CBARP: variants seen among roughly 807,000 people sequenced by gnomAD.
CBARP encodes CACN subunit beta associated regulatory protein, also known as voltage-dependent calcium channel beta subunit-associated regulatory protein.
CBARP carries 24 observed loss-of-function variants against 36.3 expected under a neutral mutation model. The ratio of observed to expected loss-of-function variants is 0.66; its 90% CI spans 0.48 to 0.93. CBARP has a LOEUF of 0.93. Among genes scored for constraint, CBARP ranks in the 40% least tolerant of loss-of-function variants. The pLI is 0.00. For synonymous variants in CBARP, 586 were observed against 453.2 expected, an observed-to-expected ratio of 1.29 and a Z score of -3.72; for missense variants, 1,146 against 980.4, an observed-to-expected ratio of 1.17 and a Z score of -2.26.
At position 1,230,081 on chromosome 19, in the gene CBARP, C is replaced by A; in HGVS notation, c.1216G>T (p.Gly406Cys). The A allele has an allele frequency of 2.7e-6, 3 of 1,105,826 alleles. No homozygotes were observed. The highest frequency in any genetic ancestry group is 3.3e-6 in the Non-Finnish European group (3 of 899,206). The allele number at this position is 1,105,826 out of a possible 1,614,324, so 68.5% of individuals were successfully genotyped here. A position where few individuals can be genotyped will look rare whatever the true frequency, so the allele number is the denominator to read the frequency against. ...TGCTGCTGCTCAGGCCCCGCGCTGCCCGCGCCGCGCTCCGGGGGGGAATCG... is the reference window on the plus strand; with the variant it reads ...TGCTGCTGCTCAGGCCCCGCGCTGCACGCGCCGCGCTCCGGGGGGGAATCG... ...SPDSPPERGA[G>C]SAGPEQQQPP... The change falls in exon 10 of 10, where the codon GGC becomes TGC. Residue 406 changes from glycine to cysteine, a missense_variant. By Grantham distance (159) the Gly-to-Cys change is radical. Coordinates refer to ENST00000650044, the MANE Select transcript of CBARP (RefSeq NM_001393918.1).
chr19:1,234,311 G>A lies in CBARP; in HGVS notation c.648C>T (p.Thr216=), dbSNP rs540573275. The change falls in exon 7 of 10, where the codon ACC becomes ACT. Residue 216 remains threonine, a synonymous_variant. Coordinates refer to ENST00000650044, the MANE Select transcript of CBARP (RefSeq NM_001393918.1). ...CGGAGCTGGGGCCCACAGAGCGGCC[G>A]GTGAGGGCCTTCCCCGGGGGCTGTG... ...AIFQPPGKAL[T]GRSVGPSSAL... 6.2e-6 allele frequency: 9 copies of A among 1,445,728 alleles called. No homozygotes were observed. The East Asian group carries it at 1.3e-4, about 20-fold the overall frequency. 89.6% of individuals were successfully genotyped at this position (1,445,728 alleles called of 1,614,324 possible). A position where few individuals can be genotyped will look rare whatever the true frequency, so the allele number is the denominator to read the frequency against.
intron 4 of CBARP, 86 bp downstream of exon 4, chr19:1,235,415 A>T (rs1440127282): frequency 2.2e-6 from 3 of 1,374,394 alleles, no homozygotes; most frequent in African/African-American, 1.5e-5. Context: ...AGACAGACAC[A>T]GACGGTCAGG....
intron 5 of CBARP, 119 bp downstream of exon 5, chr19:1,234,882 G>T: frequency 6.7e-7 from 1 of 1,500,712 alleles, no homozygotes; most frequent in Admixed American, 2.0e-5. Flanking sequence ...CCACCCCACG[G>T]TCCCAGTCCA....
chr19:1,230,277 T>C, intron 9 of CBARP, 135 bp from the exon 10 acceptor site: 2 of 991,550 alleles, frequency 2.0e-6, no homozygotes, highest in Non-Finnish European at 2.4e-6. Flanking sequence ...AGGTGAGAGC[T>C]TTAAAATGAG....
chr19:1,229,186 G>A lies in CBARP; in HGVS notation c.2111C>T (p.Pro704Leu), dbSNP rs1392545916. 3 of 1,168,416 alleles carry A rather than the reference G, an allele frequency of 2.6e-6. No homozygotes were observed. Among genetic ancestry groups the A allele is most frequent in the Non-Finnish European group, 3.2e-6 (3 of 925,706 alleles). The allele number at this position is 1,168,416 out of a possible 1,614,324, so 72.4% of individuals were successfully genotyped here. A position where few individuals can be genotyped will look rare whatever the true frequency, so the allele number is the denominator to read the frequency against. The change falls in exon 10 of 10, where the codon CCG becomes CTG. Residue 704 changes from proline (P) to leucine (L), a missense_variant. Coordinates refer to ENST00000650044, the MANE Select transcript of CBARP (RefSeq NM_001393918.1). This position sits in a 1 kb window ranked among gnomAD's most constrained non-coding sequence, Gnocchi z 5.1. ...GGGCCCAGGACGCGGGACTTAGGCC[G>A]GGCTGTGGTCGGGGGACGTGGGGGC... ...AAAPTSPDHS[P>L]A is the part of the protein sequence containing the mutation.
At chr19:1,234,488 G>A in intron 6 of CBARP, 83 bp downstream of exon 6, 1 of 1,455,370 alleles carries the variant, frequency 6.9e-7, no homozygotes, top group East Asian at 2.5e-5. Flanking sequence ...CAGAAAAAGA[G>A]TGGGTGAGGG....
intron 6 of CBARP, 80 bp downstream of exon 6, chr19:1,234,491 G>A (rs1463506612): frequency 3.4e-6 from 5 of 1,466,818 alleles, no homozygotes; most frequent in African/African-American, 1.4e-5. Flanking sequence ...AAAAAGAGTG[G>A]GTGAGGGCGT....
In CBARP at chr19:1,234,914, G is replaced by A. The variant is rs1170498618; in HGVS notation, c.455+87C>T. ...TCCAGGAGCCTCTGCCTTGGTCCCT[G>A]CAGCCTCCGCACCCAGCTCCTCCCC... is the stretch of plus-strand genomic sequence containing the variant. On this transcript the variant is annotated intron_variant, in intron 5 of 9. Transcript: ENST00000650044. 90 of 1,519,706 alleles carry A rather than the reference G, an allele frequency of 5.9e-5. No homozygotes were observed. The Admixed American group carries it at 1.7e-3, about 28-fold the overall frequency. 94.1% of individuals were successfully genotyped at this position (1,519,706 alleles called of 1,614,324 possible).
At position 1,231,196 on chromosome 19, in the gene CBARP, C is replaced by A; in HGVS notation, c.1059G>T (p.Gln353His). The A allele has an allele frequency of 6.2e-7, 1 of 1,604,030 alleles. No individual in the cohort carries two copies. The highest frequency in any genetic ancestry group is 8.5e-7 in the Non-Finnish European group (1 of 1,179,232). Residue 353 changes from glutamine to histidine, a missense_variant, in exon 9 of 10, where the codon CAG becomes CAT. Gln to His is a conservative substitution (Grantham distance 24). Coordinates refer to ENST00000650044, the MANE Select transcript of CBARP (RefSeq NM_001393918.1). The part of the protein sequence containing the change: ...STEQEEGDAP[Q>H]EDFIQYIARA... ...GGGCAATGTACTGGATGAAGTCCTC[C>A]TGGGGGGCATCCCCCTCCTCCTGCT...
At position 1,233,458 on chromosome 19, in the gene CBARP, G is replaced by A. The variant is rs745386108; in HGVS notation, c.947C>T (p.Pro316Leu). Residue 316 changes from proline to leucine, a missense_variant, in exon 8 of 10, where the codon CCC becomes CTC. Transcript: ENST00000650044. Reference sequence around the variant, plus strand: ...GTCCAGACTGGCTGCCCGCTGGCTGGGCTCCAGCTTCCACTTCTTGACCTT... The same window carrying A: ...GTCCAGACTGGCTGCCCGCTGGCTGAGCTCCAGCTTCCACTTCTTGACCTT... ...YFKVKKWKLE[P>L]SQRAASLDTR... 5.4e-5 allele frequency: 86 copies of A among 1,599,664 alleles called. No individual in the cohort carries two copies. The highest frequency in any genetic ancestry group is 1.1e-5 in the Non-Finnish European group (13 of 1,173,772).
In CBARP at chr19:1,234,206, A is replaced by G. The variant is rs753541878; in HGVS notation, c.753T>C (p.Ser251=). 7.2e-6 allele frequency: 11 copies of G among 1,522,912 alleles called. No homozygotes were observed. Among genetic ancestry groups the G allele is most frequent in the South Asian group, 1.3e-5 (1 of 77,010 alleles). 94.3% of individuals were successfully genotyped at this position (1,522,912 alleles called of 1,614,324 possible). A position where few individuals can be genotyped will look rare whatever the true frequency, so the allele number is the denominator to read the frequency against. The stretch of plus-strand genomic sequence containing the variant: ...GGGCCCTCACCGAGGTGCCTTCCCC[A>G]GAGTCGCTAGATGCCGAGGGGCTGA... ...AEISPSASSD[S]GEGTSLDAGT... Residue 251 remains serine (S), a synonymous_variant, in exon 7 of 10, where the codon TCT becomes TCC. Coordinates refer to ENST00000650044, the MANE Select transcript of CBARP (RefSeq NM_001393918.1).
intron 1 of CBARP, among the ~76,000 whole-genome samples, chr19:1,237,546 C>G (rs1337013161): frequency 6.6e-6 from 1 of 151,938 alleles, no homozygotes; most frequent in Non-Finnish European, 1.5e-5. Flanking sequence ...CGTCCTCGCC[C>G]GACCTCACAG....
chr19:1,230,774 C>T (rs1238031061), intron 9 of CBARP: 101 of 1,334,868 alleles, frequency 7.6e-5, no homozygotes, highest in East Asian at 1.2e-4. Context: ...ATGGGCGGGG[C>T]GGGGGTGGGA....
Position 1,234,714 on chromosome 19 carries a change from G to A in CBARP, c.484C>T (p.His162Tyr), listed in dbSNP as rs1025067343. ...TGCGTGAGCCGGGCATTCTTCAGGT[G>A]GTGGAAGTCCCCCTCCGTCAGTGTG... ...RYTLTEGDFH[H>Y]LKNARLTHLH... The change falls in exon 6 of 10, where the codon CAC becomes TAC. Residue 162 changes from histidine (H) to tyrosine (Y), a missense_variant. Coordinates refer to ENST00000650044, the MANE Select transcript of CBARP (RefSeq NM_001393918.1). The A allele has an allele frequency of 3.1e-6, 5 of 1,613,044 alleles. No individual in the cohort carries two copies. The African/African-American group carries it at 5.3e-5, about 17-fold the overall frequency.
chr19:1,231,357 C>G (rs937585240), intron 8 of CBARP, 82 bp from the exon 9 acceptor site: 11 of 1,337,852 alleles, frequency 8.2e-6, no homozygotes, highest in South Asian at 1.3e-5. Context: ...TATGCCCCCC[C>G]GCCACACACA....
Position 1,235,128 on chromosome 19 carries a change from C to T in CBARP, c.328G>A (p.Glu110Lys). The T allele has an allele frequency of 6.3e-7, 1 of 1,593,980 alleles. No individual in the cohort carries two copies. The highest frequency in any genetic ancestry group is 1.3e-5 in the African/African-American group (1 of 74,564). Residue 110 changes from glutamate to lysine, a missense_variant, in exon 5 of 10, where the codon GAG becomes AAG. By Grantham distance (56) the Glu-to-Lys change is moderately conservative. Coordinates refer to ENST00000650044, the MANE Select transcript of CBARP (RefSeq NM_001393918.1). ...HPAQDPDFRG[E>K]DPECQDAETE... Reference sequence around the variant, plus strand: ...TCCGCATCCTGGCACTCGGGGTCCTCTCCCCGGAAGTCGGGGTCTGCGTGG... The same window carrying T: ...TCCGCATCCTGGCACTCGGGGTCCTTTCCCCGGAAGTCGGGGTCTGCGTGG...
Position 1,233,733 on chromosome 19 carries a change from C to A in CBARP, c.769-97G>T. On this transcript the variant is annotated intron_variant, in intron 7 of 9. Coordinates refer to ENST00000650044, the MANE Select transcript of CBARP (RefSeq NM_001393918.1). ...TAGGTCTGAGAGACAGTCCCAAGGG[C>A]CCCCCATCACTGGGACAGAGAGGGG... 4.2e-6 allele frequency: 5 copies of A among 1,178,058 alleles called. No homozygotes were observed. In the South Asian group the frequency reaches 4.7e-5, roughly 11 times the overall value. The allele number at this position is 1,178,058 out of a possible 1,614,324, so 73.0% of individuals were successfully genotyped here.
intron 4 of CBARP, 36 bp downstream of exon 4, chr19:1,235,465 C>T: frequency 6.5e-7 from 1 of 1,538,748 alleles, no homozygotes; most frequent in South Asian, 1.2e-5. Flanking sequence ...GGCGGATGGA[C>T]AGGCGAGCGC....
In CBARP at chr19:1,229,237, A is replaced by C. The variant is rs2145442509; in HGVS notation, c.2060T>G (p.Val687Gly). Residue 687 changes from valine to glycine, a missense_variant, in exon 10 of 10, where the codon GTG (valine) becomes GGG (glycine). By Grantham distance (109) the Val-to-Gly change is moderately radical. Coordinates refer to ENST00000650044, the MANE Select transcript of CBARP (RefSeq NM_001393918.1). This position sits in a 1 kb window ranked among gnomAD's most constrained non-coding sequence, Gnocchi z 5.1. ...GGCGGCGACCAACGCGGGAGTCGCC[A>C]CGACGGGCTCGGCGAGGCGCGGCGG... ...LFPPRLAEPV[V>G]ATPALVAAAP... The C allele has an allele frequency of 8.1e-7, 1 of 1,237,258 alleles. No homozygotes were observed. The highest frequency in any genetic ancestry group is 8.3e-5 in the East Asian group (1 of 12,030). 76.6% of individuals were successfully genotyped at this position (1,237,258 alleles called of 1,614,324 possible).
Sources: allele counts gnomAD v4.1 joint callset (sites outside exome capture counted in the v4.1 genomes callset), GRCh38; gene constraint gnomAD v4.1.1; non-coding constraint Gnocchi (gnomAD v3.1); transcripts MANE v1.5; gene names NCBI Gene and HGNC (gene_info 2026-07-23, HGNC 2026-07-21).